DLGAP2: variants seen among roughly 807,000 people sequenced by gnomAD.
The protein encoded by DLGAP2 is DLG associated protein 2, also known as disks large-associated protein 2.
DLGAP2 carries 26 observed loss-of-function variants against 100.3 expected under a neutral mutation model. That is an observed-to-expected ratio of 0.26 (90% CI 0.19 to 0.36). The LOEUF (loss-of-function observed/expected upper bound fraction) is 0.36. Among genes scored for constraint, DLGAP2 ranks in the 10% least tolerant of loss-of-function variants. The pLI, the probability that DLGAP2 is intolerant of heterozygous loss-of-function variation, is 1.00. For missense variants in DLGAP2, 1,858 were observed against 1,453.2 expected (o/e 1.28, Z -4.53); for synonymous variants, 886 against 630.1 (o/e 1.41, Z -6.08).
intron 1 of DLGAP2, among the ~76,000 whole-genome samples, chr8:749,053 G>A (rs1053814322): frequency 1.8e-4 from 28 of 152,184 alleles, no homozygotes; most frequent in African/African-American, 6.8e-4. Context: ...AGGCTGGAAT[G>A]CAGGGGCATC....
At chr8:1,361,981 A>C (rs1801992441) in intron 3 of DLGAP2, among the ~76,000 whole-genome samples, 1 of 152,074 alleles carries the variant, frequency 6.6e-6, no homozygotes. Flanking sequence ...CCTCTCTGGC[A>C]CCTCCTGGCT....
chr8:1,591,976 C>T (rs958341522), intron 6 of DLGAP2, among the ~76,000 whole-genome samples: 3 of 152,166 alleles, frequency 2.0e-5, no homozygotes, highest in Non-Finnish European at 2.9e-5. Context: ...CTTGGAAATC[C>T]GAGCACATTT....
At chr8:1,217,409 G>A (rs1436821845) in intron 2 of DLGAP2, among the ~76,000 whole-genome samples, 2 of 152,244 alleles carry the variant, frequency 1.3e-5, no homozygotes, top group Non-Finnish European at 2.9e-5. Context: ...ATAGTTCTGT[G>A]ATGAACACAG....
intron 1 of DLGAP2, among the ~76,000 whole-genome samples, chr8:789,774 C>T (rs62485582): frequency 0.23 from 34,400 of 152,154 alleles, 4,454 homozygotes; most frequent in Non-Finnish European, 0.3. Context: ...TTGGCAAAGC[C>T]GGCAATGCAG....
At chr8:776,487 T>C (rs1048283867) in intron 1 of DLGAP2, among the ~76,000 whole-genome samples, 8 of 152,234 alleles carry the variant, frequency 5.3e-5, no homozygotes, top group African/African-American at 9.6e-5. Context: ...TGTGGGCATT[T>C]AGTGCTATAA....
At chr8:1,229,373 G>T (rs893662949) in intron 2 of DLGAP2, among the ~76,000 whole-genome samples, 1 of 151,476 alleles carries the variant, frequency 6.6e-6, no homozygotes, top group African/African-American at 2.4e-5. Context: ...TTTTTAAGTT[G>T]GATTTTTATT....
intron 5 of DLGAP2, among the ~76,000 whole-genome samples, chr8:1,561,182 C>T (rs966009324): frequency 3.3e-5 from 5 of 152,196 alleles, no homozygotes; most frequent in African/African-American, 4.8e-5. Flanking sequence ...GCTCCTCATT[C>T]GCCTTCTGCC....
Position 1,433,311 on chromosome 8 carries a change from C to T in DLGAP2, c.107-68055C>T, listed in dbSNP as rs527426369. On this transcript the variant is annotated intron_variant, in intron 3 of 14. Transcript: ENST00000637795. The stretch of plus-strand genomic sequence containing the variant: ...TTCCGAAACAACCCCTGTACTGGTC[C>T]AGCTGTGGCCGTCAGGGGCATCCAG... Among the ~76,000 whole-genome samples, 13 of 152,366 alleles carry T rather than the reference C, an allele frequency of 8.5e-5. 1 individual carries two copies. In the South Asian group the frequency reaches 2.5e-3, roughly 29 times the overall value.
At chr8:1,504,590 T>G (rs570094942) in intron 4 of DLGAP2, among the ~76,000 whole-genome samples, 1 of 152,342 alleles carries the variant, frequency 6.6e-6, no homozygotes, top group African/African-American at 2.4e-5. Flanking sequence ...TTCTACCCTC[T>G]GCTTCTGAGT....
chr8:770,156 C>G (rs1443792159), intron 1 of DLGAP2, among the ~76,000 whole-genome samples: 4 of 152,124 alleles, frequency 2.6e-5, no homozygotes, highest in Admixed American at 2.0e-4. Context: ...CCTATTTATT[C>G]AGATTCATTT....
At chr8:1,137,288 T>C in intron 2 of DLGAP2, 1 of 152,638 alleles carries the variant, frequency 6.6e-6, no homozygotes, top group Non-Finnish European at 1.5e-5. Context: ...ACCTGGATTG[T>C]TTCTTCCTAG....
chr8:1,255,440 G>A (rs1472024834), intron 2 of DLGAP2, among the ~76,000 whole-genome samples: 2 of 136,480 alleles, frequency 1.5e-5, no homozygotes, highest in African/African-American at 2.7e-5. Flanking sequence ...CATCCTGCCC[G>A]AGCACTGTAT....
intron 1 of DLGAP2, among the ~76,000 whole-genome samples, chr8:868,155 C>G (rs1307861989): frequency 6.6e-6 from 1 of 152,120 alleles, no homozygotes; most frequent in Non-Finnish European, 1.5e-5. Flanking sequence ...GTAATTAACC[C>G]TATGGATACA....
Position 1,668,403 on chromosome 8 carries a change from G to A in DLGAP2, c.1885G>A (p.Val629Met). Residue 629 changes from valine (V) to methionine (M), a missense_variant, in exon 9 of 15, where the codon GTG becomes ATG. By Grantham distance (21) the Val-to-Met change is conservative. Transcript: ENST00000637795. ...GACCACCTCCAAGCCTCTGATCTCG[G>A]TGACGGCGCAGAGCAGCACCGAATC... Reference protein sequence around the residue: ...PRTTSKPLISVTAQSSTESTQ... With the variant: ...PRTTSKPLISMTAQSSTESTQ... 6.2e-7 allele frequency: 1 copy of A among 1,603,838 alleles called. No homozygotes were observed. The highest frequency in any genetic ancestry group is 2.3e-5 in the East Asian group (1 of 44,314).
chr8:1,598,220 G>T (rs2130695074), intron 6 of DLGAP2, among the ~76,000 whole-genome samples: 1 of 152,328 alleles, frequency 6.6e-6, no homozygotes, highest in Middle Eastern at 3.4e-3. Flanking sequence ...AAGCCGACTT[G>T]ATCGTGGTGG....
intron 1 of DLGAP2, among the ~76,000 whole-genome samples, chr8:862,524 G>C (rs1294033137): frequency 6.6e-6 from 1 of 151,998 alleles, no homozygotes. Flanking sequence ...GGCTGGTCTC[G>C]ATCTCCTGAC....
rs775391243 is a variant in DLGAP2, at chr8:1,632,954, T to A, written c.1718T>A (p.Leu573His). 6.2e-7 allele frequency: 1 copy of A among 1,614,012 alleles called. No homozygotes were observed. The highest frequency in any genetic ancestry group is 8.5e-7 in the Non-Finnish European group (1 of 1,179,898). Reference sequence around the variant, plus strand: ...TTCCGAACAAGGAGTCACAGCTACCTTCGAGCCATTCAAGCCGGCTACTCC... The same window carrying A: ...TTCCGAACAAGGAGTCACAGCTACCATCGAGCCATTCAAGCCGGCTACTCC... ...GCFRTRSHSY[L>H]RAIQAGYSQD... Residue 573 changes from leucine (L) to histidine (H), a missense_variant, in exon 8 of 15, where the codon CTT (leucine) becomes CAT (histidine). Physicochemically the swap from Leu to His is moderately conservative, Grantham distance 99. Transcript: ENST00000637795.
chr8:1,591,914 C>T lies in DLGAP2; in HGVS notation c.1442+26020C>T, dbSNP rs528375576. Among the ~76,000 whole-genome samples the T allele has an allele frequency of 2.7e-4, 41 of 152,308 alleles. 1 individual carries two copies. The South Asian group carries it at 7.7e-3, about 29-fold the overall frequency. Reference sequence around the variant, plus strand: ...GACTCCCAGGGAGGTTCCTCCCACCCGGGGCGGTGGATGGAGGAGGAGCGG... The same window carrying T: ...GACTCCCAGGGAGGTTCCTCCCACCTGGGGCGGTGGATGGAGGAGGAGCGG... On this transcript the variant is annotated intron_variant, in intron 6 of 14. Coordinates refer to ENST00000637795, the MANE Select transcript of DLGAP2 (RefSeq NM_001346810.2).
At chr8:1,113,686 T>C (rs942669079) in intron 2 of DLGAP2, among the ~76,000 whole-genome samples, 7 of 152,122 alleles carry the variant, frequency 4.6e-5, no homozygotes, top group Admixed American at 2.0e-4. Flanking sequence ...GGATGCCCTT[T>C]ATTTTTTCTA....
Sources: allele counts gnomAD v4.1 joint callset (sites outside exome capture counted in the v4.1 genomes callset), GRCh38; gene constraint gnomAD v4.1.1; transcripts MANE v1.5; gene names NCBI Gene and HGNC (gene_info 2026-07-23, HGNC 2026-07-21).